The following KIF4A variants were observed in gnomAD, a reference collection of about 807,000 sequenced individuals.
KIF4A encodes the protein kinesin family member 4A, also known as chromosome-associated kinesin KIF4A.
A neutral mutation model predicts 105.9 loss-of-function variants in KIF4A; 7 were observed. The observed-to-expected ratio is 0.07, with a 90% CI of 0.04 to 0.12. The LOEUF (loss-of-function observed/expected upper bound fraction) is 0.12. Ranked by LOEUF, KIF4A falls within the 10% of genes least tolerant of loss-of-function variation. The pLI is 1.00. For missense variants in KIF4A, 558 were observed against 929.2 expected (o/e 0.60, Z 5.19); for synonymous variants, 281 against 331.3 (o/e 0.85, Z 1.65).
chrX:70,409,794 CA>C (rs780576920), intron 28 of KIF4A, among the ~76,000 whole-genome samples: 4,909 of 42,072 alleles, frequency 0.12, 110 homozygotes, highest in Middle Eastern at 0.24. Context: ...AAGACTGTCT[CA>C]AAAAAAAAAA....
At chrX:70,320,823 G>C in intron 7 of KIF4A, among the ~76,000 whole-genome samples, 1 of 111,687 alleles carries the variant, frequency 9.0e-6, no homozygotes, top group Non-Finnish European at 1.9e-5. Flanking sequence ...AACTAGAAGG[G>C]AGGAATTGAA....
chrX:70,379,527 A>C (rs1207356070), intron 18 of KIF4A, among the ~76,000 whole-genome samples: 1 of 111,872 alleles, frequency 8.9e-6, no homozygotes, highest in Non-Finnish European at 1.9e-5. Flanking sequence ...GCTGTGGCTC[A>C]TGCCTGTAAT....
intron 7 of KIF4A, among the ~76,000 whole-genome samples, chrX:70,304,206 T>TG (rs1295203214): frequency 9.9e-6 from 1 of 101,288 alleles, no homozygotes; most frequent in Non-Finnish European, 2.0e-5. Flanking sequence ...TTTTTGTCCT[T>TG]GCGATAGTTT....
chrX:70,395,613 A>G (rs1184704668), intron 20 of KIF4A, 58 bp from the exon 21 acceptor site: 2 of 1,186,368 alleles, frequency 1.7e-6, no homozygotes, highest in Non-Finnish European at 2.3e-6. Flanking sequence ...AGCTGAATCT[A>G]GCCCATGAGC....
At chrX:70,310,857 G>T (rs944498581) in intron 7 of KIF4A, among the ~76,000 whole-genome samples, 1 of 111,233 alleles carries the variant, frequency 9.0e-6, no homozygotes, top group Non-Finnish European at 1.9e-5. Flanking sequence ...CAGTCACAGA[G>T]GCTCACACCT....
intron 18 of KIF4A, among the ~76,000 whole-genome samples, chrX:70,385,913 AGG>A (rs2086215990): frequency 9.0e-6 from 1 of 111,077 alleles, no homozygotes; most frequent in African/African-American, 3.3e-5. Flanking sequence ...GTTTGTTACA[AGG>A]GTATATTGTA....
intron 13 of KIF4A, among the ~76,000 whole-genome samples, chrX:70,347,974 C>CAAA (rs61178799): frequency 0.012 from 287 of 23,163 alleles, 51 homozygotes; most frequent in African/African-American, 0.066. Context: ...GACTCCGTCT[C>CAAA]AAAAAAAAAA....
chrX:70,376,571 G>A (rs1340260660), intron 18 of KIF4A, among the ~76,000 whole-genome samples: 1 of 111,645 alleles, frequency 9.0e-6, no homozygotes, highest in African/African-American at 3.3e-5. Flanking sequence ...GGAGTGAAAA[G>A]ATGATGGTTG....
Position 70,341,782 on chromosome X carries a change from T to G in KIF4A, c.1134-17T>G, listed in dbSNP as rs199934288. On this transcript the variant is annotated splice_polypyrimidine_tract_variant and intron_variant, in intron 10 of 30. Coordinates refer to ENST00000374403, the MANE Select transcript of KIF4A (RefSeq NM_012310.5). Reference sequence around the variant, plus strand: ...TCAATCAGATATTTTTCTAATATGTTATTTACTTTGTTTTAGTGTGGAACC... The same window carrying G: ...TCAATCAGATATTTTTCTAATATGTGATTTACTTTGTTTTAGTGTGGAACC... 8.3e-7 allele frequency: 1 copy of G among 1,198,375 alleles called. No homozygotes were observed. Among genetic ancestry groups the G allele is most frequent in the Non-Finnish European group, 1.1e-6 (1 of 887,013 alleles).
chrX:70,405,053 T>C (rs1027251365), intron 25 of KIF4A, among the ~76,000 whole-genome samples: 9 of 111,342 alleles, frequency 8.1e-5, no homozygotes, highest in African/African-American at 2.6e-4. Flanking sequence ...ACATACTCCA[T>C]ATCAGACTCT....
intron 28 of KIF4A, among the ~76,000 whole-genome samples, chrX:70,409,727 G>T (rs894842312): frequency 9.3e-6 from 1 of 107,302 alleles, no homozygotes; most frequent in Non-Finnish European, 1.9e-5. Context: ...AACCCAGGAG[G>T]TGGAGATGGC....
chrX:70,306,952 G>A (rs182143580), intron 7 of KIF4A, among the ~76,000 whole-genome samples: 1,370 of 108,462 alleles, frequency 0.013, 12 homozygotes, highest in Middle Eastern at 0.066. Flanking sequence ...AGCCTCCCAA[G>A]TAGCTGGGAC....
At chrX:70,332,048 G>C (rs1297690579) in intron 9 of KIF4A, among the ~76,000 whole-genome samples, 2 of 112,005 alleles carry the variant, frequency 1.8e-5, no homozygotes, top group Non-Finnish European at 3.8e-5. Context: ...AAAAGGACCA[G>C]GTTTGAGGAT....
chrX:70,352,531 C>A, intron 13 of KIF4A, 69 bp from the exon 14 acceptor site: 1 of 803,097 alleles, frequency 1.2e-6, no homozygotes, highest in Non-Finnish European at 1.9e-6. Flanking sequence ...AATTAAATAA[C>A]CAATATAAAA....
In KIF4A at chrX:70,290,142, T is replaced by G; in HGVS notation, c.-30T>G. 3.5e-4 allele frequency: 63 copies of G among 181,437 alleles called. No individual in the cohort carries two copies. Among genetic ancestry groups the G allele is most frequent in the East Asian group, 4.6e-4 (4 of 8,662 alleles). The allele number at this position is 181,437 out of a possible 1,213,427, so 15.0% of individuals were successfully genotyped here. ...GCCCAGGGAGAACGGGGAAGGGACA[T>G]TTAGTTTGGTGAGTTACGGGGGCAC... On this transcript the variant is annotated 5_prime_UTR_variant, in exon 1 of 31. Transcript: ENST00000374403.
intron 10 of KIF4A, among the ~76,000 whole-genome samples, chrX:70,339,084 CAAAA>C (rs906085372): frequency 2.1e-5 from 1 of 47,316 alleles, no homozygotes. Context: ...GACTCCATCT[CAAAA>C]AAAAAAAAAA....
chrX:70,300,488 A>G (rs772602845), intron 5 of KIF4A, among the ~76,000 whole-genome samples: 5 of 111,663 alleles, frequency 4.5e-5, no homozygotes, highest in African/African-American at 1.6e-4. Flanking sequence ...TTAAGTAAGT[A>G]GAGAAAATAA....
At chrX:70,354,537 C>A (rs994098865) in intron 15 of KIF4A, among the ~76,000 whole-genome samples, 1 of 112,688 alleles carries the variant, frequency 8.9e-6, no homozygotes, top group Admixed American at 9.4e-5. Flanking sequence ...AATCTACAAC[C>A]ATTAAAAACA....
At chrX:70,366,790 A>G (rs1243166403) in intron 15 of KIF4A, among the ~76,000 whole-genome samples, 1 of 111,295 alleles carries the variant, frequency 9.0e-6, no homozygotes, top group Admixed American at 9.6e-5. Context: ...GCTGAGTTCA[A>G]TTCCTGGATA....
Sources: allele counts gnomAD v4.1 joint callset (sites outside exome capture counted in the v4.1 genomes callset), GRCh38; gene constraint gnomAD v4.1.1; transcripts MANE v1.5; gene names NCBI Gene and HGNC (gene_info 2026-07-23, HGNC 2026-07-21).